The following COLEC12 variants were observed in gnomAD, a reference collection of about 807,000 sequenced individuals.
COLEC12 encodes collectin subfamily member 12, also known as collectin-12.
Under a neutral mutation model 71.1 loss-of-function variants are expected in COLEC12, and 33 were observed. That is an observed-to-expected ratio of 0.46 (90% confidence interval 0.35 to 0.62). COLEC12 has a LOEUF of 0.62. Ranked by LOEUF, COLEC12 falls within the 20% of genes least tolerant of loss-of-function variation. The probability of loss-of-function intolerance (pLI) is 0.00; values close to 1 mark genes in which losing one functional copy is unlikely to be tolerated. For synonymous variants in COLEC12, 350 were observed against 353.0 expected, an observed-to-expected ratio of 0.99 and a Z score of 0.10; for missense variants, 765 against 916.1, an observed-to-expected ratio of 0.84 and a Z score of 2.13.
chr18:487,195 TAAGTAA>T (rs1025646756), intron 1 of COLEC12, among the ~76,000 whole-genome samples: 5 of 152,234 alleles, frequency 3.3e-5, no homozygotes, highest in African/African-American at 1.2e-4. Context: ...AACATTATGC[TAAGTAA>T]AAGAGGCCAG....
intron 2 of COLEC12, among the ~76,000 whole-genome samples, chr18:397,845 G>A (rs1355726723): frequency 6.6e-6 from 1 of 152,160 alleles, no homozygotes; most frequent in East Asian, 1.9e-4. Flanking sequence ...ATTCAGTTAG[G>A]GTTAAAATCG....
intron 1 of COLEC12, among the ~76,000 whole-genome samples, chr18:486,198 C>A (rs1037615990): frequency 2.6e-5 from 4 of 151,928 alleles, no homozygotes; most frequent in African/African-American, 9.7e-5. Context: ...TTTTTCTTTT[C>A]TTTTTGAGAC....
At chr18:437,865 A>G (rs1916438084) in intron 2 of COLEC12, among the ~76,000 whole-genome samples, 1 of 152,166 alleles carries the variant, frequency 6.6e-6, no homozygotes, top group African/African-American at 2.4e-5. Context: ...AATTCCTAAT[A>G]TTTCTCTGAC....
Position 408,096 on chromosome 18 carries a change from C to A in COLEC12, c.59-50574G>T, listed in dbSNP as rs1915824750. 6.6e-6 allele frequency among the ~76,000 whole-genome samples: 1 copy of A among 152,148 alleles called. No individual in the cohort carries two copies. Among genetic ancestry groups the A allele is most frequent in the African/African-American group, 2.4e-5 (1 of 41,422 alleles). On this transcript the variant is annotated intron_variant, in intron 2 of 9. Transcript: ENST00000400256. This position sits in a 1 kb window ranked among gnomAD's most constrained non-coding sequence, Gnocchi z 4.3. ...AAATGAATTTTTAATAACTCTAATT[C>A]AGAATGCAAGAGGTTAAGTCAATTT...
At chr18:381,365 C>T (rs903238167) in intron 2 of COLEC12, among the ~76,000 whole-genome samples, 21 of 152,110 alleles carry the variant, frequency 1.4e-4, no homozygotes, top group Non-Finnish European at 1.3e-4. Context: ...ATGATAAATA[C>T]TTGAGGTGAT....
Position 335,130 on chromosome 18 carries a change from T to C in COLEC12, c.1428A>G (p.Gly476=). The C allele has an allele frequency of 6.2e-7, 1 of 1,612,560 alleles. No individual in the cohort carries two copies. Residue 476 remains glycine, a synonymous_variant, in exon 6 of 10, where the codon GGA becomes GGG. Transcript: ENST00000400256. ...KGQKGEKGEP[G]PPGPAGERGP... ...CTCTCTCACCCGCAGGGCCAGGTGG[T>C]CCAGGCTCCCCCTTCTCTCCTTTCT...
chr18:459,411 A>G (rs145128994), intron 2 of COLEC12, among the ~76,000 whole-genome samples: 1 of 152,226 alleles, frequency 6.6e-6, no homozygotes, highest in Non-Finnish European at 1.5e-5. Context: ...TGAATGAATG[A>G]CCACTTGGAA....
chr18:374,742 T>C (rs1915076630), intron 2 of COLEC12, among the ~76,000 whole-genome samples: 2 of 152,198 alleles, frequency 1.3e-5, no homozygotes, highest in South Asian at 4.1e-4. Flanking sequence ...TCTTGTGGTT[T>C]CCTGGCCCAA....
chr18:490,854 C>T (rs9965909), intron 1 of COLEC12, among the ~76,000 whole-genome samples: 49,433 of 152,092 alleles, frequency 0.33, 8,470 homozygotes, highest in Middle Eastern at 0.41. Flanking sequence ...CCTGAAGGAC[C>T]GTGGACAGGG....
intron 8 of COLEC12, among the ~76,000 whole-genome samples, chr18:323,923 T>C (rs1001996503): frequency 6.6e-6 from 1 of 152,038 alleles, no homozygotes; most frequent in African/African-American, 2.4e-5. Flanking sequence ...AATAACTGAG[T>C]GATAAGAAAG....
rs141957359 is a variant in COLEC12, at chr18:321,716, C to A, written c.2155G>T (p.Asp719Tyr). 1 of 1,614,228 alleles carries A rather than the reference C, an allele frequency of 6.2e-7. No individual in the cohort carries two copies. Among genetic ancestry groups the A allele is most frequent in the Non-Finnish European group, 8.5e-7 (1 of 1,180,032 alleles). The change falls in exon 9 of 10, where the codon GAT becomes TAT. Residue 719 changes from aspartate (D) to tyrosine (Y), a missense_variant. Coordinates refer to ENST00000400256, the MANE Select transcript of COLEC12 (RefSeq NM_130386.3). ...TTATTGACGTCTTCACATTGGAAATCGTTCCACTGCCCAGCATAAATCAAC... is the reference window on the plus strand; with the variant it reads ...TTATTGACGTCTTCACATTGGAAATAGTTCCACTGCCCAGCATAAATCAAC... ...AGLIYAGQWNDFQCEDVNNFI... is the reference protein window; with the variant it reads ...AGLIYAGQWNYFQCEDVNNFI...
chr18:479,553 C>CACACA, intron 2 of COLEC12, among the ~76,000 whole-genome samples: 1 of 151,844 alleles, frequency 6.6e-6, no homozygotes, highest in Admixed American at 6.6e-5. Context: ...CTCTCTCTCA[C>CACACA]ACACACACAG....
chr18:500,432 G>GGCCCCCCCCCC lies in COLEC12; in HGVS notation c.7+75_7+76insGGGGGGGGGGC. ...GCCCAAGGGAAGGTTCGCGCGGGAGGCACCTCCGTGGCCTCCCGCGCGCCC... is the reference window on the plus strand; with the variant it reads ...GCCCAAGGGAAGGTTCGCGCGGGAGGGCCCCCCCCCCCACCTCCGTGGCCTCCCGCGCGCCC... On this transcript the variant is annotated intron_variant, in intron 1 of 9. Transcript: ENST00000400256. The surrounding 1 kb of genome is among the most constrained non-coding windows in gnomAD (Gnocchi z 5.3). 1.2e-6 allele frequency: 1 copy of GGCCCCCCCCCC among 848,804 alleles called. No homozygotes were observed. Among genetic ancestry groups the GGCCCCCCCCCC allele is most frequent in the East Asian group, 8.4e-5 (1 of 11,910 alleles). 52.6% of individuals were successfully genotyped at this position (848,804 alleles called of 1,614,324 possible). A position where few individuals can be genotyped will look rare whatever the true frequency, so the allele number is the denominator to read the frequency against.
At chr18:428,265 A>G (rs1317183529) in intron 2 of COLEC12, among the ~76,000 whole-genome samples, 1 of 147,058 alleles carries the variant, frequency 6.8e-6, no homozygotes, top group Non-Finnish European at 1.5e-5. Context: ...CTCCGTCTCA[A>G]AAAAAAAAAA....
chr18:335,158 C>A lies in COLEC12; in HGVS notation c.1400G>T (p.Gly467Val), dbSNP rs764347828. 7 of 1,612,614 alleles carry A rather than the reference C, an allele frequency of 4.3e-6. No individual in the cohort carries two copies. Among genetic ancestry groups the A allele is most frequent in the Non-Finnish European group, 2.5e-6 (3 of 1,179,560 alleles). Reference protein sequence around the residue: ...QGPPGPTGNKGQKGEKGEPGP... With the variant: ...QGPPGPTGNKVQKGEKGEPGP... ...AGGCTCCCCCTTCTCTCCTTTCTGT[C>A]CCTTGTTGCCAGTTGGGCCAGGGGG... The change falls in exon 6 of 10, where the codon GGA becomes GTA. Residue 467 changes from glycine to valine, a missense_variant. Physicochemically the swap from Gly to Val is moderately radical, Grantham distance 109 (BLOSUM62 -3). Coordinates refer to ENST00000400256, the MANE Select transcript of COLEC12 (RefSeq NM_130386.3).
chr18:495,534 C>CA (rs1354551133), intron 1 of COLEC12, among the ~76,000 whole-genome samples: 4 of 152,224 alleles, frequency 2.6e-5, no homozygotes, highest in Non-Finnish European at 5.9e-5. Context: ...ATAAGCTACA[C>CA]AGGGAAGCAA....
intron 2 of COLEC12, among the ~76,000 whole-genome samples, chr18:395,795 CAA>C (rs757116330): frequency 6.6e-6 from 1 of 152,216 alleles, no homozygotes; most frequent in Non-Finnish European, 1.5e-5. Context: ...TCCATTGACT[CAA>C]AGAGTGTAGA....
chr18:456,242 A>C (rs906134460), intron 2 of COLEC12, among the ~76,000 whole-genome samples: 1 of 152,198 alleles, frequency 6.6e-6, no homozygotes, highest in Non-Finnish European at 1.5e-5. Context: ...TGTAGCTACT[A>C]TGCCCAGTCT....
chr18:470,365 G>T (rs1230645779), intron 2 of COLEC12, among the ~76,000 whole-genome samples: 1 of 151,202 alleles, frequency 6.6e-6, no homozygotes, highest in Admixed American at 6.6e-5. Flanking sequence ...CCAAGCAGCT[G>T]GGATGACAGG....
Sources: gnomAD v4.1 joint callset for allele counts (sites outside exome capture counted in the v4.1 genomes callset) on GRCh38, gnomAD v4.1.1 for gene constraint, Gnocchi (gnomAD v3.1) non-coding constraint, MANE v1.5 for transcripts, NCBI Gene and HGNC (gene_info 2026-07-23, HGNC 2026-07-21) for gene names.